ABHD3: variants seen among roughly 807,000 people sequenced by gnomAD.
ABHD3 encodes the protein abhydrolase domain containing 3, phospholipase.
Under a neutral mutation model 48.8 loss-of-function variants are expected in ABHD3, and 46 were observed. That is an observed-to-expected ratio of 0.94 (90% CI 0.74 to 1.20). ABHD3 has a LOEUF of 1.20. Among genes scored for constraint, ABHD3 ranks in the 50% most tolerant of loss-of-function variants. The pLI, the probability that ABHD3 is intolerant of heterozygous loss-of-function variation, is 0.00. For missense variants in ABHD3, 490 were observed against 497.8 expected (o/e 0.98, Z 0.15); for synonymous variants, 192 against 183.7 (o/e 1.04, Z -0.36).
At chr18:21,677,202 CT>C (rs1366762712) in intron 4 of ABHD3, among the ~76,000 whole-genome samples, 9 of 148,338 alleles carry the variant, frequency 6.1e-5, no homozygotes, top group Admixed American at 6.7e-5. Context: ...ACTTCATTCC[CT>C]TTTTTTTTTG....
chr18:21,704,713 T>TGGCGAGCG lies in ABHD3; in HGVS notation c.-56_-49dup. ...GTCCTGCGGCGGGAGGAGAGCCGGCTGGCGAGCGGGCGAGAGCGGGCGAGA... is the reference window on the plus strand; with the variant it reads ...GTCCTGCGGCGGGAGGAGAGCCGGCTGGCGAGCGGGCGAGCGGGCGAGAGCGGGCGAGA... On this transcript the variant is annotated 5_prime_UTR_variant, in exon 1 of 9. Transcript: ENST00000289119. 1.6e-6 allele frequency: 2 copies of TGGCGAGCG among 1,223,040 alleles called. No individual in the cohort carries two copies. The highest frequency in any genetic ancestry group is 2.0e-6 in the Non-Finnish European group (2 of 983,548). 75.8% of individuals were successfully genotyped at this position (1,223,040 alleles called of 1,614,324 possible).
intron 4 of ABHD3, among the ~76,000 whole-genome samples, chr18:21,676,163 A>G (rs1839630807): frequency 6.6e-6 from 1 of 152,150 alleles, no homozygotes; most frequent in Non-Finnish European, 1.5e-5. Flanking sequence ...GAACACAAAC[A>G]TTGGGTCTAC....
intron 4 of ABHD3, among the ~76,000 whole-genome samples, chr18:21,680,884 A>G (rs569116933): frequency 7.7e-4 from 107 of 138,116 alleles, no homozygotes; most frequent in South Asian, 2.2e-3. Flanking sequence ...GTGTGTGTAT[A>G]TATATATACA....
Position 21,656,859 on chromosome 18 carries a change from A to G in ABHD3, c.1057+2T>C, listed in dbSNP as rs1187988590. ...AAATATATACAAATATGTTAATTTT[A>G]CCATGACTGGGTGAGAAAACATCAT... On this transcript the variant is annotated splice_donor_variant, in intron 8 of 8. Coordinates refer to ENST00000289119, the MANE Select transcript of ABHD3 (RefSeq NM_138340.5). LOFTEE classifies it high-confidence loss of function. 6.3e-7 allele frequency: 1 copy of G among 1,583,968 alleles called. No homozygotes were observed. The highest frequency in any genetic ancestry group is 8.6e-7 in the Non-Finnish European group (1 of 1,162,946).
chr18:21,656,601 T>C (rs1343037628), intron 8 of ABHD3, among the ~76,000 whole-genome samples: 1 of 152,144 alleles, frequency 6.6e-6, no homozygotes, highest in Non-Finnish European at 1.5e-5. Flanking sequence ...GAACAGTGTA[T>C]TTGGTAAGAA....
intron 3 of ABHD3, among the ~76,000 whole-genome samples, chr18:21,688,710 AAATT>A (rs1170210047): frequency 1.3e-5 from 2 of 152,180 alleles, no homozygotes; most frequent in Non-Finnish European, 2.9e-5. Context: ...AGGATGGGCA[AAATT>A]GATTAAGAAA....
Position 21,656,935 on chromosome 18 carries a change from C to T in ABHD3, c.983G>A (p.Ser328Asn). The T allele has an allele frequency of 1.2e-6, 2 of 1,614,002 alleles. No individual in the cohort carries two copies. The highest frequency in any genetic ancestry group is 1.7e-6 in the Non-Finnish European group (2 of 1,179,924). The change falls in exon 8 of 9, where the codon AGT becomes AAT. Residue 328 changes from serine to asparagine, a missense_variant. Physicochemically the swap from Ser to Asn is conservative, Grantham distance 46. Coordinates refer to ENST00000289119, the MANE Select transcript of ABHD3 (RefSeq NM_138340.5). Reference sequence around the variant, plus strand: ...AATTCCTACTGACTTCAGTCTAGGACTCGGACTGGCATCAGTATAATAATC... The same window carrying T: ...AATTCCTACTGACTTCAGTCTAGGATTCGGACTGGCATCAGTATAATAATC... ...IDDYYTDASP[S>N]PRLKSVGIPV...
chr18:21,674,956 G>A (rs1273338933), intron 4 of ABHD3, among the ~76,000 whole-genome samples: 3 of 152,054 alleles, frequency 2.0e-5, no homozygotes, highest in African/African-American at 4.8e-5. Context: ...GGTGGGGGAA[G>A]AACTCTAAGT....
At chr18:21,673,357 GA>G (rs1423917509) in intron 4 of ABHD3, among the ~76,000 whole-genome samples, 1 of 150,982 alleles carries the variant, frequency 6.6e-6, no homozygotes, top group East Asian at 2.0e-4. Context: ...GCAGTGGCAC[GA>G]TCTCAGGTCA....
intron 4 of ABHD3, among the ~76,000 whole-genome samples, chr18:21,678,360 G>C (rs996750975): frequency 2.0e-5 from 3 of 152,158 alleles, no homozygotes; most frequent in Admixed American, 6.5e-5. Context: ...ATTTTCCAAA[G>C]TGGCTAGGAT....
chr18:21,697,362 C>T (rs889225959), intron 3 of ABHD3, among the ~76,000 whole-genome samples: 2 of 151,726 alleles, frequency 1.3e-5, no homozygotes, highest in Admixed American at 6.6e-5. Flanking sequence ...CGTGAGCTAC[C>T]GTGCCCAGCC....
chr18:21,703,466 T>C, intron 2 of ABHD3, 118 bp downstream of exon 2: 1 of 1,225,946 alleles, frequency 8.2e-7, no homozygotes, highest in South Asian at 1.8e-5. Context: ...TCATTCCCTC[T>C]TTCTGTTCTA....
At chr18:21,689,298 C>T (rs1266620841) in intron 3 of ABHD3, among the ~76,000 whole-genome samples, 1 of 152,086 alleles carries the variant, frequency 6.6e-6, no homozygotes, top group Admixed American at 6.6e-5. Flanking sequence ...CCTGTAATCT[C>T]AGCCCTTTGG....
intron 5 of ABHD3, chr18:21,663,793 G>A: frequency 6.5e-7 from 1 of 1,534,022 alleles, no homozygotes; most frequent in Non-Finnish European, 8.7e-7. Context: ...GCAGCTCCAG[G>A]GATGGCTGGG....
At chr18:21,690,891 A>C (rs1307442949) in intron 3 of ABHD3, among the ~76,000 whole-genome samples, 1 of 148,700 alleles carries the variant, frequency 6.7e-6, no homozygotes, top group Non-Finnish European at 1.5e-5. Context: ...GCTACTTGGG[A>C]GGCTGAGGCA....
intron 6 of ABHD3, among the ~76,000 whole-genome samples, chr18:21,657,922 G>T (rs549638854): frequency 1.3e-5 from 2 of 152,180 alleles, no homozygotes; most frequent in Non-Finnish European, 2.9e-5. Context: ...ATCTCTGCTG[G>T]GCGGGGGGCT....
chr18:21,679,656 G>A (rs1304708291), intron 4 of ABHD3, among the ~76,000 whole-genome samples: 1 of 151,468 alleles, frequency 6.6e-6, no homozygotes, highest in African/African-American at 2.4e-5. Flanking sequence ...AGCCTCCCGA[G>A]TAGCTGGGAT....
chr18:21,665,804 T>TC (rs1248559177), intron 4 of ABHD3, among the ~76,000 whole-genome samples: 1 of 145,348 alleles, frequency 6.9e-6, no homozygotes, highest in Non-Finnish European at 1.5e-5. Flanking sequence ...AGAGTGAGAC[T>TC]CCATCTCAAA....
chr18:21,699,627 G>T (rs148840730), intron 3 of ABHD3, among the ~76,000 whole-genome samples: 1 of 152,316 alleles, frequency 6.6e-6, no homozygotes, highest in East Asian at 1.9e-4. Context: ...CAGTAGCACT[G>T]TGGGAGTTCT....
Sources: gnomAD v4.1 joint callset for allele counts (sites outside exome capture counted in the v4.1 genomes callset) on GRCh38, gnomAD v4.1.1 for gene constraint, MANE v1.5 for transcripts, NCBI Gene and HGNC (gene_info 2026-07-23, HGNC 2026-07-21) for gene names.